The following DCDC2C variants were observed in gnomAD, a reference collection of about 807,000 sequenced individuals.
The protein encoded by DCDC2C is doublecortin domain-containing protein 2C.
DCDC2C carries 44 observed loss-of-function variants against 45.0 expected under a neutral mutation model. That is an observed-to-expected ratio of 0.98 (90% CI 0.77 to 1.26). The LOEUF (loss-of-function observed/expected upper bound fraction) is 1.26. DCDC2C is among the 50% of genes most tolerant of loss of function. The pLI is 0.00. For synonymous variants in DCDC2C, 187 were observed against 178.8 expected, an observed-to-expected ratio of 1.05 and a Z score of -0.37; for missense variants, 447 against 468.9, an observed-to-expected ratio of 0.95 and a Z score of 0.43.
intron 4 of DCDC2C, among the ~76,000 whole-genome samples, chr2:3,750,725 G>A (rs1445578804): frequency 6.6e-6 from 1 of 152,036 alleles, no homozygotes; most frequent in Non-Finnish European, 1.5e-5. Flanking sequence ...CTGTTCTTTG[G>A]CATCCATGGA....
Position 3,724,306 on chromosome 2 carries a change from G to A in DCDC2C, c.340-2697G>A, listed in dbSNP as rs118046237. ...CTGTGTTCTCGCTGCCTCTCGTGCA[G>A]CTCTCTATTCTGACGAAAGGCATTG... On this transcript the variant is annotated intron_variant, in intron 2 of 10. Coordinates refer to ENST00000399143, the MANE Select transcript of DCDC2C (RefSeq NM_001287444.2). Among the ~76,000 whole-genome samples, 736 of 152,256 alleles carry A rather than the reference G, an allele frequency of 4.8e-3. 23 individuals are homozygous for A. In the East Asian group the frequency reaches 0.1, roughly 21 times the overall value.
At chr2:3,745,309 A>C (rs1412574863) in intron 4 of DCDC2C, among the ~76,000 whole-genome samples, 1 of 152,236 alleles carries the variant, frequency 6.6e-6, no homozygotes. Flanking sequence ...TAAGTATCAC[A>C]TGTAGAATGA....
chr2:3,720,309 C>T (rs753006386), intron 2 of DCDC2C, among the ~76,000 whole-genome samples: 11 of 152,208 alleles, frequency 7.2e-5, no homozygotes, highest in Admixed American at 1.3e-4. Flanking sequence ...AAACATTCTG[C>T]ATCAGGAACA....
intron 2 of DCDC2C, among the ~76,000 whole-genome samples, chr2:3,711,540 T>A (rs545479499): frequency 2.9e-4 from 44 of 152,274 alleles, no homozygotes; most frequent in African/African-American, 1.0e-3. Flanking sequence ...AAAATAAAAA[T>A]TTTTAAACTC....
rs1200694299 is a variant in DCDC2C at position 3,753,010 on chromosome 2, G to A, written c.683+110G>A. 2.5e-6 allele frequency: 3 copies of A among 1,206,456 alleles called. No homozygotes were observed. In the African/African-American group the frequency reaches 4.6e-5, roughly 18 times the overall value. 74.7% of individuals were successfully genotyped at this position (1,206,456 alleles called of 1,614,324 possible). Reference sequence around the variant, plus strand: ...CAGCTATTGGTTATTTTTCAGTAGTGAAATGTAATATTCTTATTTAATGTA... The same window carrying A: ...CAGCTATTGGTTATTTTTCAGTAGTAAAATGTAATATTCTTATTTAATGTA... On this transcript the variant is annotated intron_variant, in intron 5 of 10. Transcript: ENST00000399143.
intron 8 of DCDC2C, among the ~76,000 whole-genome samples, chr2:3,773,421 C>T (rs1161912163): frequency 2.6e-5 from 4 of 152,130 alleles, no homozygotes; most frequent in East Asian, 3.8e-4. Flanking sequence ...TGTAGATGCG[C>T]GGGGGTGCAT....
At chr2:3,769,681 G>A (rs1339099332) in intron 8 of DCDC2C, among the ~76,000 whole-genome samples, 1 of 152,164 alleles carries the variant, frequency 6.6e-6, no homozygotes, top group Non-Finnish European at 1.5e-5. Flanking sequence ...TTTGATGATT[G>A]TGTCTGTCCC....
chr2:3,763,378 C>T lies in DCDC2C; in HGVS notation c.727-4376C>T, dbSNP rs113541900. 3.4e-3 allele frequency among the ~76,000 whole-genome samples: 522 copies of T among 152,320 alleles called. 5 individuals carry two copies. Among genetic ancestry groups the T allele is most frequent in the African/African-American group, 0.012 (507 of 41,562 alleles). On this transcript the variant is annotated intron_variant, in intron 6 of 10. Transcript: ENST00000399143. ...GGTGAGCGCGGCTCGAGATGTCACC[C>T]AGCTCAGGAGATCCCACTGCCAGCC...
At chr2:3,781,157 C>T (rs534025746) in intron 9 of DCDC2C, among the ~76,000 whole-genome samples, 203 of 152,298 alleles carry the variant, frequency 1.3e-3, no homozygotes, top group Middle Eastern at 6.8e-3. Context: ...GAAGAGCAAG[C>T]GTTTTATATG....
chr2:3,794,637 T>C (rs1252785407), intron 10 of DCDC2C, among the ~76,000 whole-genome samples: 1 of 152,204 alleles, frequency 6.6e-6, no homozygotes, highest in Admixed American at 6.5e-5. Flanking sequence ...GTTCTTGTGA[T>C]AGTTTACTGA....
Position 3,734,329 on chromosome 2 carries a change from C to A in DCDC2C, c.416+7250C>A, listed in dbSNP as rs1051081099. 6.6e-6 allele frequency among the ~76,000 whole-genome samples: 1 copy of A among 152,164 alleles called. No homozygotes were observed. ...CAGCCTGGAAGGGCCCACCCTCCCT[C>A]CAGAGATAGGAGCCATCGACATAAA... On this transcript the variant is annotated intron_variant, in intron 3 of 10. Transcript: ENST00000399143. The surrounding 1 kb of genome is among the most constrained non-coding windows in gnomAD (Gnocchi z 4.2).
intron 2 of DCDC2C, 125 bp from the exon 3 acceptor site, chr2:3,726,878 T>C: frequency 1.3e-6 from 1 of 776,536 alleles, no homozygotes. Context: ...CGCCCCTGGG[T>C]GTTCTATTGA....
chr2:3,820,112 G>C (rs1398036655), intron 10 of DCDC2C, among the ~76,000 whole-genome samples: 1 of 152,116 alleles, frequency 6.6e-6, no homozygotes, highest in Non-Finnish European at 1.5e-5. Context: ...ACTAGGGTGG[G>C]ACCAATGTGT....
intron 8 of DCDC2C, among the ~76,000 whole-genome samples, chr2:3,775,019 C>T (rs1179923884): frequency 6.6e-6 from 1 of 152,028 alleles, no homozygotes. Flanking sequence ...CCTGCCTCAG[C>T]CTCCCAAAGT....
At chr2:3,750,370 T>C (rs1465631674) in intron 4 of DCDC2C, among the ~76,000 whole-genome samples, 1 of 152,204 alleles carries the variant, frequency 6.6e-6, no homozygotes, top group African/African-American at 2.4e-5. Flanking sequence ...CACGTCATTC[T>C]CATAGCAACT....
intron 6 of DCDC2C, among the ~76,000 whole-genome samples, chr2:3,767,283 A>G (rs1187548521): frequency 6.6e-6 from 1 of 152,238 alleles, no homozygotes; most frequent in Non-Finnish European, 1.5e-5. Flanking sequence ...TTGCAACCCC[A>G]AAGTAAACCG....
intron 10 of DCDC2C, among the ~76,000 whole-genome samples, chr2:3,817,233 A>G (rs1337035819): frequency 6.6e-6 from 1 of 152,202 alleles, no homozygotes; most frequent in African/African-American, 2.4e-5. Flanking sequence ...CTTGCAGTGA[A>G]TGACTCCAGC....
At chr2:3,723,605 C>A (rs1668554534) in intron 2 of DCDC2C, among the ~76,000 whole-genome samples, 1 of 152,032 alleles carries the variant, frequency 6.6e-6, no homozygotes, top group Non-Finnish European at 1.5e-5. Context: ...TAAGGGCAGG[C>A]CTTACTGAGG....
At position 3,778,833 on chromosome 2, in the gene DCDC2C, T is replaced by C; in HGVS notation, c.972T>C (p.Val324=). ...VPVDQRQAEI[V]KEDEEIHENT... ...CTCCCCAGAGACAAGCTGAGATAGT[T>C]AAAGAAGATGAAGAGATACATGAGA... The change falls in exon 9 of 11, where the codon GTT becomes GTC. Residue 324 remains valine, a synonymous_variant. Coordinates refer to ENST00000399143, the MANE Select transcript of DCDC2C (RefSeq NM_001287444.2). 6.4e-7 allele frequency: 1 copy of C among 1,551,050 alleles called. No homozygotes were observed. The highest frequency in any genetic ancestry group is 8.7e-7 in the Non-Finnish European group (1 of 1,147,084).
Sources: gnomAD v4.1 joint callset for allele counts (sites outside exome capture counted in the v4.1 genomes callset) on GRCh38, gnomAD v4.1.1 for gene constraint, Gnocchi (gnomAD v3.1) non-coding constraint, MANE v1.5 for transcripts, NCBI Gene and HGNC (gene_info 2026-07-23, HGNC 2026-07-21) for gene names.